Variants in CNIH3 observed in about 807,000 individuals in gnomAD.
The protein encoded by CNIH3 is cornichon family AMPA receptor auxiliary protein 3.
Under a neutral mutation model 24.1 loss-of-function variants are expected in CNIH3, and 14 were observed. The observed-to-expected ratio is 0.58, with a 90% CI of 0.38 to 0.91. The LOEUF (loss-of-function observed/expected upper bound fraction) is 0.91, where lower values mean the gene tolerates loss of function less well. CNIH3 is among the 40% of genes least tolerant of loss of function. CNIH3 has a pLI of 0.00. For synonymous variants in CNIH3, 68 were observed against 73.8 expected, an observed-to-expected ratio of 0.92 and a Z score of 0.40; for missense variants, 178 against 196.8, an observed-to-expected ratio of 0.90 and a Z score of 0.57.
At chr1:224,627,153 C>G (rs2125072779) in intron 1 of CNIH3, among the ~76,000 whole-genome samples, 1 of 152,252 alleles carries the variant, frequency 6.6e-6, no homozygotes, top group Middle Eastern at 3.4e-3. Context: ...TCAGACTGAC[C>G]ATGAAAGCAG....
At chr1:224,442,013 A>ATTTTTTTT (rs1167622615) in intron 1 of CNIH3, among the ~76,000 whole-genome samples, 3 of 119,996 alleles carry the variant, frequency 2.5e-5, no homozygotes, top group Non-Finnish European at 3.4e-5. Context: ...GATTCCCTTA[A>ATTTTTTTT]TTTTTTTTTT....
Position 224,662,989 on chromosome 1 carries a change from T to C in CNIH3, c.82-17969T>C, listed in dbSNP as rs544953816. Among the ~76,000 whole-genome samples, 8 of 152,136 alleles carry C rather than the reference T, an allele frequency of 5.3e-5. No homozygotes were observed. In the East Asian group the frequency reaches 1.5e-3, roughly 29 times the overall value. On this transcript the variant is annotated intron_variant, in intron 1 of 5. Transcript: ENST00000272133. Reference sequence around the variant, plus strand: ...GGCCAGACAGCACCACAGAAGAACATCATGTATGAGGTTGGCACAAAAATA... The same window carrying C: ...GGCCAGACAGCACCACAGAAGAACACCATGTATGAGGTTGGCACAAAAATA...
chr1:224,568,318 T>C (rs571546051), intron 4 of CNIH3, among the ~76,000 whole-genome samples: 3 of 151,540 alleles, frequency 2.0e-5, no homozygotes, highest in Admixed American at 2.0e-4. Flanking sequence ...CAAAAAAAAT[T>C]TATAATGAAA....
At chr1:224,557,405 C>T (rs1182389497) in intron 3 of CNIH3, among the ~76,000 whole-genome samples, 1 of 152,086 alleles carries the variant, frequency 6.6e-6, no homozygotes, top group Non-Finnish European at 1.5e-5. Flanking sequence ...AAAACCCCCT[C>T]ACAAAATCCT....
chr1:224,552,527 A>C (rs1252152316), intron 3 of CNIH3, among the ~76,000 whole-genome samples: 1 of 151,704 alleles, frequency 6.6e-6, no homozygotes, highest in Non-Finnish European at 1.5e-5. Flanking sequence ...TCTCCCTTAG[A>C]TATTAGGAAT....
chr1:224,547,328 T>A (rs966394354), intron 3 of CNIH3, among the ~76,000 whole-genome samples: 2 of 152,022 alleles, frequency 1.3e-5, no homozygotes, highest in Admixed American at 1.3e-4. Context: ...GTGACAGTAT[T>A]CGTAATATCT....
chr1:224,537,053 C>A (rs1679314599), downstream of CNIH3: 1 of 152,154 alleles, frequency 6.6e-6, no homozygotes, highest in African/African-American at 2.4e-5. Flanking sequence ...AAGCTGGGAA[C>A]TGCATCAGGC....
chr1:224,739,672 T>G lies in CNIH3; in HGVS notation c.*316T>G. 2 of 449,324 alleles carry G rather than the reference T, an allele frequency of 4.5e-6. No homozygotes were observed. The highest frequency in any genetic ancestry group is 7.7e-6 in the Non-Finnish European group (2 of 258,290). The allele number at this position is 449,324 out of a possible 1,614,324, so 27.8% of individuals were successfully genotyped here. A position where few individuals can be genotyped will look rare whatever the true frequency, so the allele number is the denominator to read the frequency against. On this transcript the variant is annotated 3_prime_UTR_variant, in exon 6 of 6. Transcript: ENST00000272133. ...CCTCTCCTGAGAGAGAATTGCTGCT[T>G]CCTGAATCCACTTCATTGAACAGCA... is the stretch of plus-strand genomic sequence containing the variant.
intron 1 of CNIH3, among the ~76,000 whole-genome samples, chr1:224,635,781 C>T (rs1684059269): frequency 6.6e-6 from 1 of 152,192 alleles, no homozygotes; most frequent in African/African-American, 2.4e-5. Context: ...AGCTCACTCT[C>T]ACCTTGAACT....
chr1:224,723,544 C>A (rs1469712719), intron 3 of CNIH3, among the ~76,000 whole-genome samples: 1 of 152,236 alleles, frequency 6.6e-6, no homozygotes, highest in African/African-American at 2.4e-5. Context: ...GGGCTGGAAG[C>A]AGCCCGTCAC....
At chr1:224,495,727 A>G (rs1225917913) in intron 1 of CNIH3, among the ~76,000 whole-genome samples, 1 of 152,096 alleles carries the variant, frequency 6.6e-6, no homozygotes, top group Non-Finnish European at 1.5e-5. Context: ...GGCATTTGCT[A>G]TTGGAGAGAA....
intron 1 of CNIH3, among the ~76,000 whole-genome samples, chr1:224,474,538 A>G (rs767163207): frequency 6.6e-6 from 1 of 152,112 alleles, no homozygotes; most frequent in Non-Finnish European, 1.5e-5. Flanking sequence ...TGTATCTTGA[A>G]GAATTAGAAA....
chr1:224,485,476 C>CA (rs2124831846), intron 1 of CNIH3, among the ~76,000 whole-genome samples: 1 of 152,170 alleles, frequency 6.6e-6, no homozygotes, highest in South Asian at 2.1e-4. Flanking sequence ...TCCTTCCCCT[C>CA]ACCTCACCCC....
downstream of CNIH3, among the ~76,000 whole-genome samples, chr1:224,591,962 T>C (rs1422851353): frequency 6.6e-6 from 1 of 152,238 alleles, no homozygotes; most frequent in African/African-American, 2.4e-5. Flanking sequence ...AGATTATTAA[T>C]AGCCACTAAT....
chr1:224,446,150 C>T (rs1359969193), intron 1 of CNIH3, among the ~76,000 whole-genome samples: 2 of 149,962 alleles, frequency 1.3e-5, no homozygotes, highest in Non-Finnish European at 1.5e-5. Context: ...ACCATACTGA[C>T]TTACTTGCTG....
chr1:224,644,284 C>T (rs2125095974), intron 1 of CNIH3, among the ~76,000 whole-genome samples: 1 of 152,288 alleles, frequency 6.6e-6, no homozygotes, highest in East Asian at 1.9e-4. Context: ...AGTCATGGCT[C>T]ACTGCAGCCT....
upstream of CNIH3, among the ~76,000 whole-genome samples, chr1:224,612,172 G>A (rs186679966): frequency 3.0e-3 from 454 of 152,306 alleles, 2 homozygotes; most frequent in African/African-American, 0.01. The surrounding 1 kb of genome is among the most constrained non-coding windows in gnomAD (Gnocchi z 4.7). Flanking sequence ...CTCCCACTGA[G>A]CACAACTTAT....
At chr1:224,557,708 C>T (rs572001405) in intron 3 of CNIH3, among the ~76,000 whole-genome samples, 4 of 152,284 alleles carry the variant, frequency 2.6e-5, no homozygotes, top group Admixed American at 6.5e-5. Flanking sequence ...CCACTTGCCT[C>T]GGCCTCCCAA....
intron 1 of CNIH3, among the ~76,000 whole-genome samples, chr1:224,646,143 G>GACGTAAGACAGTAAGACGTAAGACAGTA (rs35908674): frequency 6.6e-6 from 1 of 151,930 alleles, no homozygotes; most frequent in Non-Finnish European, 1.5e-5. Flanking sequence ...TAAGACAGCA[G>GACGTAAGACAGTAAGACGTAAGACAGTA]AGGTTTTCAG....
Sources: allele counts gnomAD v4.1 joint callset (sites outside exome capture counted in the v4.1 genomes callset), GRCh38; gene constraint gnomAD v4.1.1; non-coding constraint Gnocchi (gnomAD v3.1); transcripts MANE v1.5; gene names NCBI Gene and HGNC (gene_info 2026-07-23, HGNC 2026-07-21).